MAPKAP1: variants seen among roughly 807,000 people sequenced by gnomAD.
The protein encoded by MAPKAP1 is target of rapamycin complex 2 subunit MAPKAP1.
Under a neutral mutation model 65.7 loss-of-function variants are expected in MAPKAP1, and 20 were observed. The observed-to-expected ratio is 0.30, with a 90% CI of 0.21 to 0.44. The LOEUF is 0.44. Among genes scored for constraint, MAPKAP1 ranks in the 20% least tolerant of loss-of-function variants. The pLI is 1.00. For missense variants in MAPKAP1, 423 were observed against 648.0 expected, an observed-to-expected ratio of 0.65 and a Z score of 3.77; for synonymous variants, 222 against 244.3, an observed-to-expected ratio of 0.91 and a Z score of 0.85.
chr9:125,690,149 G>A (rs1835123716), intron 1 of MAPKAP1, among the ~76,000 whole-genome samples: 1 of 152,156 alleles, frequency 6.6e-6, no homozygotes, highest in African/African-American at 2.4e-5. Flanking sequence ...TGGCTACTCA[G>A]ACAAGGCTTC....
At chr9:125,693,782 CGTATATATAT>C (rs1835290959) in intron 1 of MAPKAP1, among the ~76,000 whole-genome samples, 13 of 150,060 alleles carry the variant, frequency 8.7e-5, no homozygotes, top group Non-Finnish European at 1.6e-4. Flanking sequence ...CATATATACA[CGTATATATAT>C]ACACACATAT....
In MAPKAP1 at chr9:125,698,299, ATATATATATATATAT is replaced by A. The variant is rs1835473885; in HGVS notation, c.-70+8657_-70+8671del. On this transcript the variant is annotated intron_variant, in intron 1 of 11. Coordinates refer to ENST00000265960, the MANE Select transcript of MAPKAP1 (RefSeq NM_001006617.3). ...ACATAATATATATAAATATATATAT[ATATATATATATATAT>A]ATATATATATATATATATATATAAA... 6.0e-4 allele frequency among the ~76,000 whole-genome samples: 8 copies of A among 13,368 alleles called. 1 individual carries two copies. The highest frequency in any genetic ancestry group is 1.1e-3 in the Non-Finnish European group (7 of 6,456). 8.8% of individuals were successfully genotyped at this position (13,368 alleles called of 152,430 possible).
intron 8 of MAPKAP1, among the ~76,000 whole-genome samples, chr9:125,494,097 C>G (rs1854843112): frequency 6.6e-6 from 1 of 152,176 alleles, no homozygotes; most frequent in East Asian, 1.9e-4. Context: ...AGACTTAAAG[C>G]TGGATGCATA....
intron 5 of MAPKAP1, among the ~76,000 whole-genome samples, chr9:125,566,897 G>T (rs1224898342): frequency 6.6e-6 from 1 of 152,144 alleles, no homozygotes; most frequent in African/African-American, 2.4e-5. Flanking sequence ...TGAACACTTT[G>T]TTTAGATCTA....
chr9:125,690,538 A>G (rs981425829), intron 1 of MAPKAP1, among the ~76,000 whole-genome samples: 1 of 152,236 alleles, frequency 6.6e-6, no homozygotes, highest in African/African-American at 2.4e-5. Context: ...AAATGGAAGT[A>G]AGTTCAGTGC....
intron 5 of MAPKAP1, chr9:125,567,740 G>A (rs1053666759): frequency 6.6e-6 from 1 of 152,122 alleles, no homozygotes; most frequent in Non-Finnish European, 1.5e-5. Flanking sequence ...ACATCTTCCT[G>A]GAGATCATGA....
Position 125,698,329 on chromosome 9 carries a change from A to C in MAPKAP1, c.-70+8642T>G, listed in dbSNP as rs1237990529. Among the ~76,000 whole-genome samples the C allele has an allele frequency of 3.9e-5, 4 of 101,316 alleles. No homozygotes were observed. The South Asian group carries it at 1.2e-3, about 30-fold the overall frequency. The allele number at this position is 101,316 out of a possible 152,430, so 66.5% of individuals were successfully genotyped here. ...TATATATATATATATATATATATAT[A>C]TATATATAAAATATATATATTTTTT... On this transcript the variant is annotated intron_variant, in intron 1 of 11. Transcript: ENST00000265960.
chr9:125,577,052 G>A (rs1453841195), intron 5 of MAPKAP1, among the ~76,000 whole-genome samples: 12 of 150,794 alleles, frequency 8.0e-5, no homozygotes, highest in South Asian at 2.1e-4. Context: ...CTGCCCGGCC[G>A]CCATCCCATC....
At chr9:125,501,788 A>AT (rs1440307128) in intron 8 of MAPKAP1, among the ~76,000 whole-genome samples, 2 of 151,784 alleles carry the variant, frequency 1.3e-5, no homozygotes, top group Non-Finnish European at 2.9e-5. Flanking sequence ...TTTTGGTATA[A>AT]TTTTTTTCAA....
intron 1 of MAPKAP1, among the ~76,000 whole-genome samples, chr9:125,695,988 A>G (rs1159583356): frequency 6.6e-6 from 1 of 152,214 alleles, no homozygotes; most frequent in Non-Finnish European, 1.5e-5. Flanking sequence ...TCAGCCTCCC[A>G]AAGTGTTGGG....
chr9:125,481,642 G>C (rs1854321532), intron 9 of MAPKAP1, among the ~76,000 whole-genome samples: 1 of 151,934 alleles, frequency 6.6e-6, no homozygotes, highest in Non-Finnish European at 1.5e-5. Flanking sequence ...GGCTGGTCCT[G>C]AACTCCTGAG....
intron 4 of MAPKAP1, among the ~76,000 whole-genome samples, chr9:125,592,155 T>C (rs1013248650): frequency 1.3e-5 from 2 of 152,196 alleles, no homozygotes; most frequent in African/African-American, 2.4e-5. Flanking sequence ...TCAAACTGTT[T>C]TGCTGAAGGT....
chr9:125,679,004 ATTT>A (rs57513847), intron 1 of MAPKAP1, among the ~76,000 whole-genome samples: 5 of 145,370 alleles, frequency 3.4e-5, no homozygotes, highest in Non-Finnish European at 3.0e-5. Flanking sequence ...AATAAACACA[ATTT>A]TTTTTTTTTT....
chr9:125,609,943 T>A (rs878960738), intron 4 of MAPKAP1, among the ~76,000 whole-genome samples: 5 of 152,158 alleles, frequency 3.3e-5, no homozygotes, highest in Admixed American at 1.3e-4. Context: ...ATTTTACAGA[T>A]AAACTGCTAA....
In MAPKAP1 at chr9:125,438,822, C is replaced by T; in HGVS notation, c.*65G>A. The T allele has an allele frequency of 1.2e-6, 2 of 1,607,818 alleles. No individual in the cohort carries two copies. The highest frequency in any genetic ancestry group is 1.7e-6 in the Non-Finnish European group (2 of 1,176,542). On this transcript the variant is annotated 3_prime_UTR_variant, in exon 12 of 12. Coordinates refer to ENST00000265960, the MANE Select transcript of MAPKAP1 (RefSeq NM_001006617.3). ...AGGACTTCAGGACACCGGGTGGACT[C>T]TAGGGCACTTGGCCCTGGCAGGCAG... is the stretch of plus-strand genomic sequence containing the variant.
chr9:125,703,783 A>C (rs1588093846), intron 1 of MAPKAP1, among the ~76,000 whole-genome samples: 1 of 149,456 alleles, frequency 6.7e-6, no homozygotes, highest in Non-Finnish European at 1.5e-5. Context: ...AAAAAAAAAA[A>C]AAACAAGTAA....
chr9:125,620,496 T>C (rs1265314130), intron 4 of MAPKAP1, among the ~76,000 whole-genome samples: 5 of 152,208 alleles, frequency 3.3e-5, no homozygotes, highest in Non-Finnish European at 7.3e-5. Flanking sequence ...ACCCAGCAAT[T>C]CTGCTTGAAA....
At chr9:125,697,003 G>A (rs1317283183) in intron 1 of MAPKAP1, among the ~76,000 whole-genome samples, 2 of 152,140 alleles carry the variant, frequency 1.3e-5, no homozygotes, top group Non-Finnish European at 2.9e-5. Flanking sequence ...AAGTAAAGAC[G>A]GAGCTGTCAC....
chr9:125,635,568 T>C (rs1833400677), intron 4 of MAPKAP1, among the ~76,000 whole-genome samples: 1 of 152,232 alleles, frequency 6.6e-6, no homozygotes. Flanking sequence ...AGAAAGAGAC[T>C]AGTGAACTGA....
Sources: allele counts gnomAD v4.1 joint callset (sites outside exome capture counted in the v4.1 genomes callset), GRCh38; gene constraint gnomAD v4.1.1; transcripts MANE v1.5; gene names NCBI Gene and HGNC (gene_info 2026-07-23, HGNC 2026-07-21).